Variants in WTAP observed in about 807,000 individuals in gnomAD.
WTAP encodes WT1 associated protein, also known as pre-mRNA-splicing regulator WTAP.
A neutral mutation model predicts 50.0 loss-of-function variants in WTAP; 8 were observed. That is an observed-to-expected ratio of 0.16 (90% CI 0.09 to 0.29). The LOEUF is 0.29. Among genes scored for constraint, WTAP ranks in the 10% least tolerant of loss-of-function variants. WTAP has a pLI of 1.00. For missense variants in WTAP, 295 were observed against 470.7 expected (o/e 0.63, Z 3.45); for synonymous variants, 194 against 169.0 (o/e 1.15, Z -1.15).
chr6:159,752,522 C>T (rs1437243953), intron 6 of WTAP, among the ~76,000 whole-genome samples: 3 of 152,118 alleles, frequency 2.0e-5, no homozygotes, highest in Non-Finnish European at 4.4e-5. Flanking sequence ...GTTGCACTAG[C>T]ATTTGGAAAC....
At chr6:159,747,795 AAT>A (rs1779661561) in intron 5 of WTAP, among the ~76,000 whole-genome samples, 1 of 152,132 alleles carries the variant, frequency 6.6e-6, no homozygotes, top group African/African-American at 2.4e-5. Context: ...GTTTTTTGGT[AAT>A]GTTTGGATTG....
rs373027980 is a variant in WTAP at position 159,738,831 on chromosome 6, T to TA, written c.31-147dup. ...TGTTAAGATACCAAATAGTTTACCT[T>TA]AAAAAAAAAAAACTTTTGTAATAAA... On this transcript the variant is annotated intron_variant, in intron 2 of 7. Coordinates refer to ENST00000621533, the MANE Select transcript of WTAP (RefSeq NM_001270531.2). 7.4e-3 allele frequency among the ~76,000 whole-genome samples: 1,081 copies of TA among 145,188 alleles called. 7 individuals carry two copies. Among genetic ancestry groups the TA allele is most frequent in the African/African-American group, 0.019 (769 of 39,998 alleles).
At position 159,755,408 on chromosome 6, in the gene WTAP, A is replaced by C; in HGVS notation, c.988A>C (p.Asn330His). Residue 330 changes from asparagine to histidine, a missense_variant, in exon 8 of 8, where the codon AAT (asparagine) becomes CAT (histidine). Transcript: ENST00000621533. ...RTGRGGSGYVNQLSAGYESVD... is the reference protein window; with the variant it reads ...RTGRGGSGYVHQLSAGYESVD... ...TGGCAGAGGAGGTAGTGGTTACGTA[A>C]ATCAACTCAGTGCGGGGTATGAAAG... 1.2e-6 allele frequency: 2 copies of C among 1,614,188 alleles called. No individual in the cohort carries two copies. The highest frequency in any genetic ancestry group is 1.3e-5 in the African/African-American group (1 of 75,024).
At chr6:159,734,854 TC>T (rs1202605241) in intron 1 of WTAP, among the ~76,000 whole-genome samples, 8 of 152,210 alleles carry the variant, frequency 5.3e-5, no homozygotes, top group Non-Finnish European at 1.0e-4. Flanking sequence ...TACTTTTTTT[TC>T]CAACCTTGTA....
chr6:159,749,149 TACAA>T (rs1225434910), intron 6 of WTAP: 1 of 985,900 alleles, frequency 1.0e-6, no homozygotes, highest in Non-Finnish European at 1.2e-6. Flanking sequence ...CTGAGGACTG[TACAA>T]ACATGAAGGT....
At chr6:159,731,956 TG>T (rs1260664547) in intron 1 of WTAP, among the ~76,000 whole-genome samples, 1 of 151,496 alleles carries the variant, frequency 6.6e-6, no homozygotes, top group Non-Finnish European at 1.5e-5. Flanking sequence ...AATAAGAATA[TG>T]GATACCTGTC....
At chr6:159,733,515 G>A (rs966321873) in intron 1 of WTAP, among the ~76,000 whole-genome samples, 2 of 152,118 alleles carry the variant, frequency 1.3e-5, no homozygotes, top group South Asian at 2.1e-4. Flanking sequence ...CCAGGTACTC[G>A]GGAGGCTGAG....
At chr6:159,746,106 C>T (rs1474451538) in intron 5 of WTAP, among the ~76,000 whole-genome samples, 2 of 152,198 alleles carry the variant, frequency 1.3e-5, no homozygotes, top group African/African-American at 2.4e-5. Context: ...CAAAGGCATA[C>T]ATAAAGTTCT....
At position 159,744,203 on chromosome 6, in the gene WTAP, AGCAACCTCTTTAGTGTCTCCTTTTTAATT is replaced by A. The variant is rs532649879; in HGVS notation, c.273+413_273+441del. Among the ~76,000 whole-genome samples the A allele has an allele frequency of 1.9e-3, 290 of 152,276 alleles. 1 individual carries two copies. Among genetic ancestry groups the A allele is most frequent in the African/African-American group, 6.6e-3 (275 of 41,552 alleles). ...GTATAGAACTGTTTTTCCTAGTGTC[AGCAACCTCTTTAGTGTCTCCTTTTTAATT>A]GTTAGAACTTTGATGTGTACTGTGT... On this transcript the variant is annotated intron_variant, in intron 5 of 7. Coordinates refer to ENST00000621533, the MANE Select transcript of WTAP (RefSeq NM_001270531.2).
intron 3 of WTAP, 146 bp downstream of exon 3, chr6:159,739,191 CTATTTCT>C: frequency 1.7e-6 from 1 of 598,784 alleles, no homozygotes; most frequent in South Asian, 3.1e-5. Flanking sequence ...ATACTATGAC[CTATTTCT>C]TATATTAACA....
chr6:159,727,136 G>T (rs1213607386), upstream of WTAP: 12 of 1,194,826 alleles, frequency 1.0e-5, no homozygotes, highest in Non-Finnish European at 1.2e-5. Flanking sequence ...TACTGAGCTT[G>T]CTGAGCTCCG....
chr6:159,749,312 C>T, intron 6 of WTAP: 1 of 985,732 alleles, frequency 1.0e-6, no homozygotes, highest in South Asian at 4.7e-5. Flanking sequence ...TCAACAGGCA[C>T]ATGTTTAAAA....
chr6:159,730,486 A>AT (rs1390486633), intron 1 of WTAP, among the ~76,000 whole-genome samples: 1 of 152,136 alleles, frequency 6.6e-6, no homozygotes, highest in Admixed American at 6.5e-5. Context: ...TTCTCGGTAC[A>AT]TTCGTGTGGT....
chr6:159,753,312 T>C, intron 6 of WTAP, 148 bp from the exon 7 acceptor site: 1 of 1,139,042 alleles, frequency 8.8e-7, no homozygotes, highest in Non-Finnish European at 1.2e-6. Context: ...AAGATGGATG[T>C]GTCCCAGAAA....
chr6:159,727,586 G>C lies in WTAP; in HGVS notation c.-126G>C. The C allele has an allele frequency of 1.0e-6, 1 of 986,998 alleles. No individual in the cohort carries two copies. Among genetic ancestry groups the C allele is most frequent in the Non-Finnish European group, 1.2e-6 (1 of 831,158 alleles). The allele number at this position is 986,998 out of a possible 1,614,324, so 61.1% of individuals were successfully genotyped here. On this transcript the variant is annotated 5_prime_UTR_variant, in exon 1 of 8. Transcript: ENST00000621533. Reference sequence around the variant, plus strand: ...GTTGCGGCGGGACTAGGAGCGCGGCGGGGCCGGCGGCAGAGCTGTCCGGCT... The same window carrying C: ...GTTGCGGCGGGACTAGGAGCGCGGCCGGGCCGGCGGCAGAGCTGTCCGGCT...
At chr6:159,743,567 C>G (rs1779388658) in intron 4 of WTAP, 98 bp from the exon 5 acceptor site, 2 of 1,177,136 alleles carry the variant, frequency 1.7e-6, no homozygotes, top group Non-Finnish European at 2.3e-6. Flanking sequence ...AAACTAAAGA[C>G]TTGATTAATT....
chr6:159,727,429 T>C (rs1778251517), upstream of WTAP: 6 of 1,126,150 alleles, frequency 5.3e-6, no homozygotes, highest in South Asian at 8.2e-5. Flanking sequence ...TGCGGCGCGT[T>C]CGGACCGGCT....
intron 1 of WTAP, among the ~76,000 whole-genome samples, chr6:159,733,597 A>G (rs985633158): frequency 1.3e-5 from 2 of 150,652 alleles, no homozygotes; most frequent in Non-Finnish European, 1.5e-5. Flanking sequence ...ACTGTGGTCT[A>G]GGTGACAGAG....
At chr6:159,736,638 T>C (rs1778935019) in intron 2 of WTAP, 1 of 182,170 alleles carries the variant, frequency 5.5e-6, no homozygotes. Flanking sequence ...ATGTCAAAAA[T>C]GGACATTATG....
Sources: allele counts gnomAD v4.1 joint callset (sites outside exome capture counted in the v4.1 genomes callset), GRCh38; gene constraint gnomAD v4.1.1; transcripts MANE v1.5; gene names NCBI Gene and HGNC (gene_info 2026-07-23, HGNC 2026-07-21).